Variants in ADAT3 observed in about 807,000 individuals in gnomAD.
ADAT3 encodes tRNA-specific adenosine-34 deaminase regulatory subunit ADAT3.
ADAT3 carries 2 observed loss-of-function variants against 3.5 expected under a neutral mutation model. The ratio of observed to expected loss-of-function variants is 0.57; its 90% CI spans 0.23 to 1.79. The LOEUF is 1.79. ADAT3 is among the 40% of genes most tolerant of loss of function. ADAT3 has a pLI of 0.18. For missense variants in ADAT3, 735 were observed against 571.4 expected, an observed-to-expected ratio of 1.29 and a Z score of -2.92; for synonymous variants, 358 against 270.3, an observed-to-expected ratio of 1.32 and a Z score of -3.18.
At chr19:1,905,492 G>A (rs932249455) in intron 1 of ADAT3, 53 bp downstream of exon 1, 3 of 434,790 alleles carry the variant, frequency 6.9e-6, no homozygotes, top group Non-Finnish European at 1.5e-5. Context: ...CTTCCCCAGA[G>A]GGGGAGTAGG....
Position 1,912,036 on chromosome 19 carries a change from C to G in ADAT3, c.-12C>G, listed in dbSNP as rs762567578. Reference sequence around the variant, plus strand: ...ACTCCCCGGCTCTCCCCCAGCCGCCCGCAGCCGCCGGATGATCCTCTGCTC... The same window carrying G: ...ACTCCCCGGCTCTCCCCCAGCCGCCGGCAGCCGCCGGATGATCCTCTGCTC... On this transcript the variant is annotated 5_prime_UTR_variant, in exon 2 of 2. Transcript: ENST00000329478. 2 of 1,416,120 alleles carry G rather than the reference C, an allele frequency of 1.4e-6. No homozygotes were observed. Among genetic ancestry groups the G allele is most frequent in the Admixed American group, 3.0e-5 (1 of 33,592 alleles). 87.7% of individuals were successfully genotyped at this position (1,416,120 alleles called of 1,614,324 possible). A position where few individuals can be genotyped will look rare whatever the true frequency, so the allele number is the denominator to read the frequency against.
chr19:1,913,054 G>A lies in ADAT3; in HGVS notation c.1007G>A (p.Arg336His), dbSNP rs772168050. ...APSPDGALGT[R>H]FRIHARPDLN... The stretch of plus-strand genomic sequence containing the variant: ...TCGCCCGACGGCGCCCTGGGCACCC[G>A]CTTCCGCATCCACGCACGGCCCGAC... The change falls in exon 2 of 2, where the codon CGC (arginine) becomes CAC (histidine). Residue 336 changes from arginine to histidine, a missense_variant. Physicochemically the swap from Arg to His is conservative, Grantham distance 29. Coordinates refer to ENST00000329478, the MANE Select transcript of ADAT3 (RefSeq NM_138422.4). 5.6e-6 allele frequency: 9 copies of A among 1,603,250 alleles called. No individual in the cohort carries two copies. Among genetic ancestry groups the A allele is most frequent in the Non-Finnish European group, 7.6e-6 (9 of 1,179,022 alleles).
rs1444147290 is a variant in ADAT3 at position 1,912,611 on chromosome 19, C to A, written c.564C>A (p.Ala188=). 2 of 1,477,474 alleles carry A rather than the reference C, an allele frequency of 1.4e-6. No homozygotes were observed. The highest frequency in any genetic ancestry group is 1.8e-6 in the Non-Finnish European group (2 of 1,120,884). The allele number at this position is 1,477,474 out of a possible 1,614,324, so 91.5% of individuals were successfully genotyped here. Residue 188 remains alanine, a synonymous_variant, in exon 2 of 2, where the codon GCC becomes GCA. Coordinates refer to ENST00000329478, the MANE Select transcript of ADAT3 (RefSeq NM_138422.4). The part of the protein sequence containing the change: ...GRLFSTQERA[A]MQSHMERAVW... ...TCTTCTCCACGCAGGAGCGCGCCGC[C>A]ATGCAGAGCCACATGGAGCGGGCGG...
At chr19:1,907,645 C>T (rs892500441) in intron 1 of ADAT3, among the ~76,000 whole-genome samples, 1 of 152,154 alleles carries the variant, frequency 6.6e-6, no homozygotes, top group African/African-American at 2.4e-5. Flanking sequence ...GTTGTCACCA[C>T]GCAGGGTCTG....
intron 1 of ADAT3, among the ~76,000 whole-genome samples, chr19:1,910,575 CTTTTTTTT>C (rs11350651): frequency 2.1e-5 from 2 of 95,090 alleles, no homozygotes; most frequent in Non-Finnish European, 4.4e-5. Context: ...TTTGAGGTGT[CTTTTTTTT>C]TTTTTTTTTT....
chr19:1,907,153 C>T (rs1423253070), intron 1 of ADAT3: 1 of 151,950 alleles, frequency 6.6e-6, no homozygotes, highest in African/African-American at 2.4e-5. Flanking sequence ...CGCCACTGCC[C>T]TCCAGCCTGG....
chr19:1,913,034 C>G lies in ADAT3; in HGVS notation c.987C>G (p.Pro329=), dbSNP rs765637931. The change falls in exon 2 of 2, where the codon CCC becomes CCG. Residue 329 remains proline, a synonymous_variant. Transcript: ENST00000329478. ...ILRVFYGAPS[P]DGALGTRFRI... Reference sequence around the variant, plus strand: ...GCGTCTTCTACGGTGCGCCCTCGCCCGACGGCGCCCTGGGCACCCGCTTCC... The same window carrying G: ...GCGTCTTCTACGGTGCGCCCTCGCCGGACGGCGCCCTGGGCACCCGCTTCC... 6.2e-7 allele frequency: 1 copy of G among 1,604,178 alleles called. No homozygotes were observed. Among genetic ancestry groups the G allele is most frequent in the South Asian group, 1.1e-5 (1 of 90,988 alleles).
chr19:1,910,292 C>T lies in ADAT3; in HGVS notation c.-158-1598C>T, dbSNP rs186124551. Among the ~76,000 whole-genome samples, 728 of 152,306 alleles carry T rather than the reference C, an allele frequency of 4.8e-3. 3 individuals are homozygous for T. The highest frequency in any genetic ancestry group is 0.014 in the Middle Eastern group (4 of 294). ...TTGGCGGAATTCAGCAGCTTGCGGC[C>T]GGGGGACCAAGGGTCCTGCTCAGTT... is the stretch of plus-strand genomic sequence containing the variant. On this transcript the variant is annotated intron_variant, in intron 1 of 1. Transcript: ENST00000329478.
chr19:1,913,126 G>A lies in ADAT3; in HGVS notation c.1079G>A (p.Cys360Tyr). Residue 360 changes from cysteine to tyrosine, a missense_variant, in exon 2 of 2, where the codon TGC becomes TAC. Physicochemically the swap from Cys to Tyr is radical, Grantham distance 194. Transcript: ENST00000329478. ...QVFRGVLEEQCRWLDPDT is the reference protein window; with the variant it reads ...QVFRGVLEEQYRWLDPDT ...TTCCGCGGGGTGCTGGAGGAGCAGT[G>A]CCGCTGGCTGGACCCCGACACGTAG... 1 of 1,576,644 alleles carries A rather than the reference G, an allele frequency of 6.3e-7. No homozygotes were observed. The highest frequency in any genetic ancestry group is 8.6e-7 in the Non-Finnish European group (1 of 1,165,754).
Position 1,908,999 on chromosome 19 carries a change from G to C in ADAT3, c.-158-2891G>C, listed in dbSNP as rs996479524. On this transcript the variant is annotated intron_variant, in intron 1 of 1. Transcript: ENST00000329478. This position sits in a 1 kb window ranked among gnomAD's most constrained non-coding sequence, Gnocchi z 4.2. Reference sequence around the variant, plus strand: ...ATGTGCCTGTATTCCCAGCTACTAGGGGGGCTGAGGCAGGAGAATCGCTTG... The same window carrying C: ...ATGTGCCTGTATTCCCAGCTACTAGCGGGGCTGAGGCAGGAGAATCGCTTG... Among the ~76,000 whole-genome samples the C allele has an allele frequency of 6.6e-6, 1 of 152,056 alleles. No individual in the cohort carries two copies. The highest frequency in any genetic ancestry group is 1.5e-5 in the Non-Finnish European group (1 of 68,030).
At chr19:1,905,728 TG>T (rs1019760789) in intron 1 of ADAT3, 1 of 152,444 alleles carries the variant, frequency 6.6e-6, no homozygotes, top group Non-Finnish European at 1.5e-5. Context: ...TTATGGTCGG[TG>T]CGGGAGACCC....
chr19:1,912,383 G>C lies in ADAT3; in HGVS notation c.336G>C (p.Leu112=), dbSNP rs1021360179. Reference sequence around the variant, plus strand: ...ACGCCCTGGAGATGCTGCTTTGCCTGGCTGGGCCGGCCTCGGGCCCGCGCT... The same window carrying C: ...ACGCCCTGGAGATGCTGCTTTGCCTCGCTGGGCCGGCCTCGGGCCCGCGCT... ...SPHALEMLLC[L]AGPASGPRSL... is the part of the protein sequence containing the mutation. The change falls in exon 2 of 2, where the codon CTG becomes CTC. Residue 112 remains leucine (L), a synonymous_variant. Transcript: ENST00000329478. 4.6e-6 allele frequency: 7 copies of C among 1,520,314 alleles called. No homozygotes were observed. Among genetic ancestry groups the C allele is most frequent in the Non-Finnish European group, 6.1e-6 (7 of 1,141,506 alleles). 94.2% of individuals were successfully genotyped at this position (1,520,314 alleles called of 1,614,324 possible). A position where few individuals can be genotyped will look rare whatever the true frequency, so the allele number is the denominator to read the frequency against.
At chr19:1,911,062 A>G (rs2013417616) in intron 1 of ADAT3, among the ~76,000 whole-genome samples, 1 of 151,936 alleles carries the variant, frequency 6.6e-6, no homozygotes, top group Non-Finnish European at 1.5e-5. Flanking sequence ...TTTTTAGTAG[A>G]GACGGGGTTT....
rs773929248 is a variant in ADAT3, at chr19:1,912,780, G to A, written c.733G>A (p.Val245Met). 5 of 1,569,104 alleles carry A rather than the reference G, an allele frequency of 3.2e-6. No individual in the cohort carries two copies. The highest frequency in any genetic ancestry group is 2.7e-5 in the African/African-American group (2 of 73,712). Residue 245 changes from valine (V) to methionine (M), a missense_variant, in exon 2 of 2, where the codon GTG becomes ATG. Val to Met is a conservative substitution (Grantham distance 21). Transcript: ENST00000329478. ...NPLLHAVMVC[V>M]DLVARGQGRG... ...CCTCCTGCACGCCGTCATGGTGTGC[G>A]TGGACCTCGTGGCGCGCGGCCAGGG...
intron 1 of ADAT3, chr19:1,905,709 T>C (rs900828563): frequency 6.5e-6 from 1 of 153,002 alleles, no homozygotes; most frequent in Non-Finnish European, 1.5e-5. Flanking sequence ...TTTCTGCGCG[T>C]GTGCGCCCTT....
At position 1,912,642 on chromosome 19, in the gene ADAT3, G is replaced by A; in HGVS notation, c.595G>A (p.Ala199Thr). The part of the protein sequence containing the change: ...MQSHMERAVW[A>T]ARRAAARGLR... The stretch of plus-strand genomic sequence containing the variant: ...GAGCCACATGGAGCGGGCGGTGTGG[G>A]CGGCCCGGCGGGCAGCAGCGCGGGG... Residue 199 changes from alanine (A) to threonine (T), a missense_variant, in exon 2 of 2, where the codon GCG becomes ACG. Coordinates refer to ENST00000329478, the MANE Select transcript of ADAT3 (RefSeq NM_138422.4). The A allele has an allele frequency of 7.0e-7, 1 of 1,425,084 alleles. No individual in the cohort carries two copies. The highest frequency in any genetic ancestry group is 9.1e-7 in the Non-Finnish European group (1 of 1,098,984). The allele number at this position is 1,425,084 out of a possible 1,614,324, so 88.3% of individuals were successfully genotyped here. A position where few individuals can be genotyped will look rare whatever the true frequency, so the allele number is the denominator to read the frequency against.
chr19:1,911,387 G>T (rs2013438491), intron 1 of ADAT3, among the ~76,000 whole-genome samples: 1 of 150,810 alleles, frequency 6.6e-6, no homozygotes, highest in South Asian at 2.1e-4. Flanking sequence ...GCCTAGGCTG[G>T]TCTTAAACTC....
chr19:1,909,500 C>G (rs1050447332), intron 1 of ADAT3, among the ~76,000 whole-genome samples: 2 of 152,092 alleles, frequency 1.3e-5, no homozygotes, highest in African/African-American at 4.8e-5. Flanking sequence ...CTGTCCTCAC[C>G]TGTGCCAGCA....
rs942290618 is a variant in ADAT3 at position 1,912,152 on chromosome 19, G to A, written c.105G>A (p.Pro35=). The change falls in exon 2 of 2, where the codon CCG becomes CCA. Residue 35 remains proline, a synonymous_variant. Coordinates refer to ENST00000329478, the MANE Select transcript of ADAT3 (RefSeq NM_138422.4). Reference sequence around the variant, plus strand: ...CCAAGTGCTTGGAGGCCGGGAGCCCGGAGCCTGAGCCGGCGCCGTGGCAGG... The same window carrying A: ...CCAAGTGCTTGGAGGCCGGGAGCCCAGAGCCTGAGCCGGCGCCGTGGCAGG... The part of the protein sequence containing the change: ...EQPKCLEAGS[P]EPEPAPWQAL... 1.9e-6 allele frequency: 3 copies of A among 1,567,608 alleles called. No homozygotes were observed. The highest frequency in any genetic ancestry group is 2.3e-5 in the East Asian group (1 of 42,980).
Sources: gnomAD v4.1 joint callset for allele counts (sites outside exome capture counted in the v4.1 genomes callset) on GRCh38, gnomAD v4.1.1 for gene constraint, Gnocchi (gnomAD v3.1) non-coding constraint, MANE v1.5 for transcripts, NCBI Gene and HGNC (gene_info 2026-07-23, HGNC 2026-07-21) for gene names.